TXK: variants seen among roughly 807,000 people sequenced by gnomAD.
TXK encodes TXK tyrosine kinase.
A neutral mutation model predicts 81.0 loss-of-function variants in TXK; 60 were observed. That is an observed-to-expected ratio of 0.74 (90% CI 0.60 to 0.92). The LOEUF is 0.92. TXK is among the 40% of genes least tolerant of loss of function. The pLI, the probability that TXK is intolerant of heterozygous loss-of-function variation, is 0.00. For missense variants in TXK, 581 were observed against 638.3 expected, an observed-to-expected ratio of 0.91 and a Z score of 0.97; for synonymous variants, 203 against 210.7, an observed-to-expected ratio of 0.96 and a Z score of 0.32.
At chr4:48,129,060 AC>A (rs1719171127) in intron 1 of TXK, among the ~76,000 whole-genome samples, 1 of 151,998 alleles carries the variant, frequency 6.6e-6, no homozygotes, top group Non-Finnish European at 1.5e-5. Context: ...TAGACACCAA[AC>A]CAAGACCCCA....
chr4:48,101,804 A>G (rs1197887160), intron 6 of TXK, among the ~76,000 whole-genome samples: 1 of 151,678 alleles, frequency 6.6e-6, no homozygotes, highest in Non-Finnish European at 1.5e-5. Context: ...TAAGAAAAAA[A>G]AAAAGCACAG....
intron 5 of TXK, among the ~76,000 whole-genome samples, chr4:48,105,407 T>C (rs1026786405): frequency 1.3e-5 from 2 of 152,202 alleles, no homozygotes; most frequent in African/African-American, 4.8e-5. Context: ...CTGACACTCC[T>C]AAGTATATTA....
intron 14 of TXK, among the ~76,000 whole-genome samples, chr4:48,070,143 TC>T (rs34900354): frequency 0.26 from 40,103 of 152,082 alleles, 5,344 homozygotes; most frequent in Middle Eastern, 0.33. Flanking sequence ...AGGAAACTTC[TC>T]ATCAAGCTGC....
intron 9 of TXK, among the ~76,000 whole-genome samples, chr4:48,087,152 T>C (rs1717565751): frequency 6.6e-6 from 1 of 152,204 alleles, no homozygotes; most frequent in African/African-American, 2.4e-5. Flanking sequence ...GTGTTAGAAA[T>C]CTAACCCACA....
chr4:48,068,348 G>A (rs763662932), intron 14 of TXK, among the ~76,000 whole-genome samples: 7 of 152,238 alleles, frequency 4.6e-5, no homozygotes, highest in South Asian at 2.1e-4. Flanking sequence ...TCAGTTCAGG[G>A]TATCTATGAC....
chr4:48,087,524 C>G (rs1271038665), intron 9 of TXK, among the ~76,000 whole-genome samples: 1 of 152,068 alleles, frequency 6.6e-6, no homozygotes, highest in Non-Finnish European at 1.5e-5. Flanking sequence ...CAAGCTCCAC[C>G]TCTTAGGTTC....
At position 48,103,567 on chromosome 4, in the gene TXK, G is replaced by T. The variant is rs139305291; in HGVS notation, c.501+1334C>A. Among the ~76,000 whole-genome samples, 17 of 152,254 alleles carry T rather than the reference G, an allele frequency of 1.1e-4. 1 individual carries two copies. The highest frequency in any genetic ancestry group is 4.1e-4 in the African/African-American group (17 of 41,530). ...TTACAGAACTGATTATTTCTCATTC[G>T]CATTTCTAGATTTCCTCAATATCCA... On this transcript the variant is annotated intron_variant, in intron 6 of 14. Transcript: ENST00000264316.
At chr4:48,068,991 T>A (rs1360857130) in intron 14 of TXK, among the ~76,000 whole-genome samples, 1 of 152,258 alleles carries the variant, frequency 6.6e-6, no homozygotes, top group Non-Finnish European at 1.5e-5. Flanking sequence ...TTGACTCTAA[T>A]GCCCTAAGCA....
intron 1 of TXK, among the ~76,000 whole-genome samples, chr4:48,119,137 C>G (rs1004288745): frequency 5.9e-5 from 9 of 152,104 alleles, no homozygotes; most frequent in Admixed American, 2.0e-4. Context: ...ATAATCCAAC[C>G]AGAACCCAGA....
intron 10 of TXK, among the ~76,000 whole-genome samples, chr4:48,083,471 A>G (rs1001034671): frequency 6.6e-6 from 1 of 152,246 alleles, no homozygotes; most frequent in African/African-American, 2.4e-5. Context: ...CCTTGGGCAC[A>G]TATCATCAGG....
Position 48,113,289 on chromosome 4 carries a change from C to T in TXK, c.92G>A (p.Ser31Asn), listed in dbSNP as rs1162766512. 6.2e-7 allele frequency: 1 copy of T among 1,610,548 alleles called. No individual in the cohort carries two copies. The highest frequency in any genetic ancestry group is 8.5e-7 in the Non-Finnish European group (1 of 1,177,612). The part of the protein sequence containing the change: ...VQKRQMRTQI[S>N]LSTDEELPEK... ...TGGAAGCTCTTCATCTGTGCTCAGG[C>T]TTATCTGTGTTCTCATTTGTCTGAC... The change falls in exon 3 of 15, where the codon AGC becomes AAC. Residue 31 changes from serine to asparagine, a missense_variant. Transcript: ENST00000264316.
At position 48,087,075 on chromosome 4, in the gene TXK, C is replaced by T. The variant is rs138237532; in HGVS notation, c.785-438G>A. Among the ~76,000 whole-genome samples, 1,507 of 152,206 alleles carry T rather than the reference C, an allele frequency of 9.9e-3. 26 individuals are homozygous for T. The highest frequency in any genetic ancestry group is 0.032 in the African/African-American group (1,319 of 41,534). ...GTCTTCTCACTCCATTCCTAAAGGG[C>T]TTTTCTCCCTTGATACTTTTTCTTC... is the stretch of plus-strand genomic sequence containing the variant. On this transcript the variant is annotated intron_variant, in intron 9 of 14. Coordinates refer to ENST00000264316, the MANE Select transcript of TXK (RefSeq NM_003328.3).
At chr4:48,128,471 T>G (rs1256080375) in intron 1 of TXK, among the ~76,000 whole-genome samples, 3 of 151,646 alleles carry the variant, frequency 2.0e-5, no homozygotes, top group Non-Finnish European at 2.9e-5. Flanking sequence ...GTAAGTTTGC[T>G]GCAACATATC....
intron 6 of TXK, among the ~76,000 whole-genome samples, chr4:48,099,907 G>A (rs536909221): frequency 2.6e-5 from 4 of 152,186 alleles, no homozygotes; most frequent in East Asian, 1.9e-4. Flanking sequence ...AAAATAGGCC[G>A]GGCGCGGTGG....
chr4:48,082,720 T>A (rs574732379), intron 10 of TXK, among the ~76,000 whole-genome samples: 48 of 152,278 alleles, frequency 3.2e-4, no homozygotes, highest in African/African-American at 1.2e-3. Flanking sequence ...CCCCCTATCC[T>A]GTACCCATAC....
chr4:48,098,094 C>A (rs1329032223), intron 6 of TXK, among the ~76,000 whole-genome samples: 1 of 152,026 alleles, frequency 6.6e-6, no homozygotes, highest in South Asian at 2.1e-4. Flanking sequence ...TTACAATGTA[C>A]CGAACCTTAA....
intron 1 of TXK, among the ~76,000 whole-genome samples, chr4:48,126,162 CCT>C (rs56205862): frequency 0.46 from 64,726 of 141,076 alleles, 15,159 homozygotes; most frequent in Non-Finnish European, 0.56. Context: ...TTTTCTTCTG[CCT>C]CTGTCACCCC....
At chr4:48,080,161 A>C (rs769086911) in intron 10 of TXK, 33 bp from the exon 11 acceptor site, 27 of 1,520,228 alleles carry the variant, frequency 1.8e-5, no homozygotes, top group Non-Finnish European at 2.5e-5. Context: ...AGTGAGCAGA[A>C]TTGTGTTTGC....
Position 48,090,619 on chromosome 4 carries a change from C to A in TXK, c.710-795G>T, listed in dbSNP as rs981619041. ...TAATATTTATTAAAAGCCTGGTATGCGCTTTCAATAAAAGCTTTCAATAAA... is the reference window on the plus strand; with the variant it reads ...TAATATTTATTAAAAGCCTGGTATGAGCTTTCAATAAAAGCTTTCAATAAA... On this transcript the variant is annotated intron_variant, in intron 8 of 14. Coordinates refer to ENST00000264316, the MANE Select transcript of TXK (RefSeq NM_003328.3). Among the ~76,000 whole-genome samples the A allele has an allele frequency of 3.3e-5, 5 of 152,094 alleles. No homozygotes were observed. In the South Asian group the frequency reaches 1.0e-3, roughly 31 times the overall value.
Sources: allele counts gnomAD v4.1 joint callset (sites outside exome capture counted in the v4.1 genomes callset), GRCh38; gene constraint gnomAD v4.1.1; transcripts MANE v1.5; gene names NCBI Gene and HGNC (gene_info 2026-07-23, HGNC 2026-07-21).